The following MIS18A variants were observed in gnomAD, a reference collection of about 807,000 sequenced individuals.
MIS18A encodes the protein MIS18 kinetochore protein A.
MIS18A carries 14 observed loss-of-function variants against 25.0 expected under a neutral mutation model. The observed-to-expected ratio is 0.56, with a 90% CI of 0.37 to 0.88. The LOEUF is 0.88. Among genes scored for constraint, MIS18A ranks in the 40% least tolerant of loss-of-function variants. The probability of loss-of-function intolerance (pLI) is 0.00; values close to 1 mark genes in which losing one functional copy is unlikely to be tolerated. For synonymous variants in MIS18A, 134 were observed against 118.6 expected (o/e 1.13, Z -0.84); for missense variants, 292 against 290.8 (o/e 1.00, Z -0.03).
chr21:32,233,512 A>C, the MIS18A span, among the ~76,000 whole-genome samples: 17 of 152,352 alleles, frequency 1.1e-4, no homozygotes, highest in East Asian at 3.3e-3. Flanking sequence ...TTTTAAGCTG[A>C]AGCACAGAGA....
the MIS18A span, among the ~76,000 whole-genome samples, chr21:32,179,932 T>C: frequency 6.6e-6 from 1 of 152,210 alleles, no homozygotes; most frequent in South Asian, 2.1e-4. Flanking sequence ...ATTTCCAAGG[T>C]TAGTCCTTAG....
the MIS18A span, among the ~76,000 whole-genome samples, chr21:32,206,476 G>T: frequency 6.6e-6 from 1 of 152,082 alleles, no homozygotes; most frequent in Non-Finnish European, 1.5e-5. Context: ...TTGAAATGTG[G>T]GATTCATCAG....
chr21:32,163,570 G>A, the MIS18A span, among the ~76,000 whole-genome samples: 18 of 152,258 alleles, frequency 1.2e-4, no homozygotes, highest in South Asian at 3.5e-3. Context: ...CTTTGACACA[G>A]GAGCCAAGAA....
At chr21:32,223,356 G>A in the MIS18A span, among the ~76,000 whole-genome samples, 1 of 152,006 alleles carries the variant, frequency 6.6e-6, no homozygotes, top group Non-Finnish European at 1.5e-5. Context: ...TTTCTGAAAA[G>A]ATTAACAAAA....
chr21:32,201,445 G>T, the MIS18A span, among the ~76,000 whole-genome samples: 1 of 152,156 alleles, frequency 6.6e-6, no homozygotes, highest in Non-Finnish European at 1.5e-5. Flanking sequence ...GATTTTAAAA[G>T]CCCCAAAATA....
At chr21:32,205,313 C>T in the MIS18A span, among the ~76,000 whole-genome samples, 48 of 151,986 alleles carry the variant, frequency 3.2e-4, no homozygotes, top group African/African-American at 1.1e-3. Flanking sequence ...ACCGTGTTAG[C>T]CAGGGTGGTC....
rs1047695271 is a variant in MIS18A, at chr21:32,268,684, C to T, written c.*353G>A. On this transcript the variant is annotated 3_prime_UTR_variant, in exon 5 of 5. Coordinates refer to ENST00000290130, the MANE Select transcript of MIS18A (RefSeq NM_018944.3). ...CCAGTTTCTTATCAAAATCAAAACTCCTAAGTCCCAATTCCAACAAGTACC... is the reference window on the plus strand; with the variant it reads ...CCAGTTTCTTATCAAAATCAAAACTTCTAAGTCCCAATTCCAACAAGTACC... 1.8e-5 allele frequency: 3 copies of T among 164,728 alleles called. No homozygotes were observed. The highest frequency in any genetic ancestry group is 7.1e-5 in the African/African-American group (3 of 42,000). 10.2% of individuals were successfully genotyped at this position (164,728 alleles called of 1,614,324 possible).
downstream of MIS18A, among the ~76,000 whole-genome samples, chr21:32,265,243 C>G (rs865935958): frequency 1.3e-5 from 2 of 152,176 alleles, no homozygotes; most frequent in African/African-American, 4.8e-5. Context: ...TCTGAGGAGC[C>G]CTTCAGCCCC....
the MIS18A span, among the ~76,000 whole-genome samples, chr21:32,227,042 C>A: frequency 3.3e-5 from 5 of 151,960 alleles, no homozygotes; most frequent in Non-Finnish European, 7.4e-5. Context: ...AAACAAAACA[C>A]AACATATCTA....
intron 2 of MIS18A, among the ~76,000 whole-genome samples, chr21:32,274,197 C>CTTTTT (rs1184186125): frequency 1.1e-4 from 8 of 72,770 alleles, no homozygotes; most frequent in East Asian, 4.1e-4. Flanking sequence ...TCCTTTTCTT[C>CTTTTT]TTTTTTTTTT....
At chr21:32,244,455 G>A in the MIS18A span, among the ~76,000 whole-genome samples, 1 of 152,150 alleles carries the variant, frequency 6.6e-6, no homozygotes, top group Non-Finnish European at 1.5e-5. Flanking sequence ...AATCAGTGGG[G>A]GCCAGGCATG....
the MIS18A span, among the ~76,000 whole-genome samples, chr21:32,206,814 C>T: frequency 6.6e-6 from 1 of 152,102 alleles, no homozygotes; most frequent in Non-Finnish European, 1.5e-5. Flanking sequence ...AGGAACAATG[C>T]CCAGCCACAC....
chr21:32,227,302 C>A, the MIS18A span, among the ~76,000 whole-genome samples: 2 of 151,098 alleles, frequency 1.3e-5, no homozygotes, highest in African/African-American at 4.9e-5. Context: ...ACAAAATTGA[C>A]AAATGTTTCT....
At chr21:32,212,028 C>A in the MIS18A span, among the ~76,000 whole-genome samples, 2 of 151,900 alleles carry the variant, frequency 1.3e-5, no homozygotes, top group East Asian at 3.9e-4. Context: ...TTTGGTATGA[C>A]AGAAAGTCTA....
chr21:32,224,076 T>A, the MIS18A span, among the ~76,000 whole-genome samples: 77,469 of 151,278 alleles, frequency 0.51, 21,295 homozygotes, highest in African/African-American at 0.73. Flanking sequence ...AAAATTCAAC[T>A]TCCCTTCATG....
the MIS18A span, among the ~76,000 whole-genome samples, chr21:32,204,705 G>A: frequency 6.6e-6 from 1 of 151,224 alleles, no homozygotes; most frequent in Non-Finnish European, 1.5e-5. Context: ...TAGCCAACAT[G>A]GTGAAACCCT....
At chr21:32,244,734 G>C in the MIS18A span, among the ~76,000 whole-genome samples, 1 of 152,056 alleles carries the variant, frequency 6.6e-6, no homozygotes. Context: ...TCCTGTCTCA[G>C]AAACCAACCA....
At chr21:32,210,684 C>T in the MIS18A span, among the ~76,000 whole-genome samples, 3 of 152,082 alleles carry the variant, frequency 2.0e-5, no homozygotes, top group South Asian at 2.1e-4. Flanking sequence ...GCTGACAACT[C>T]GGGGCGTTAA....
the MIS18A span, among the ~76,000 whole-genome samples, chr21:32,228,618 A>G: frequency 6.6e-6 from 1 of 152,192 alleles, no homozygotes; most frequent in Admixed American, 6.6e-5. Context: ...ACACACACAC[A>G]TGCACACACA....
Sources: allele counts gnomAD v4.1 joint callset (sites outside exome capture counted in the v4.1 genomes callset), GRCh38; gene constraint gnomAD v4.1.1; transcripts MANE v1.5; gene names NCBI Gene and HGNC (gene_info 2026-07-23, HGNC 2026-07-21).